Variants in APIP observed in about 807,000 individuals in gnomAD.
APIP encodes methylthioribulose-1-phosphate dehydratase.
In APIP, 32 loss-of-function variants were observed where a neutral mutation model predicts 32.0. The ratio of observed to expected loss-of-function variants is 1.00; its 90% CI spans 0.76 to 1.34. The LOEUF is 1.34. Ranked by LOEUF, APIP falls within the 40% of genes most tolerant of loss-of-function variation. The probability of loss-of-function intolerance (pLI) is 0.00; values close to 1 mark genes in which losing one functional copy is unlikely to be tolerated. For synonymous variants in APIP, 92 were observed against 94.8 expected (o/e 0.97, Z 0.17); for missense variants, 247 against 298.6 (o/e 0.83, Z 1.27).
intron 1 of APIP, among the ~76,000 whole-genome samples, chr11:34,901,672 A>C (rs117845867): frequency 0.024 from 3,619 of 152,270 alleles, 71 homozygotes; most frequent in Non-Finnish European, 0.038. Context: ...CATGGCTGAA[A>C]GTCCTGCTCC....
intron 1 of APIP, among the ~76,000 whole-genome samples, chr11:34,902,674 G>A (rs1223316893): frequency 6.6e-6 from 1 of 152,170 alleles, no homozygotes; most frequent in African/African-American, 2.4e-5. Context: ...AACTCAGGGA[G>A]CTAAAACTCA....
intron 1 of APIP, among the ~76,000 whole-genome samples, chr11:34,895,801 C>T (rs1230556827): frequency 1.3e-5 from 2 of 151,916 alleles, no homozygotes; most frequent in Non-Finnish European, 2.9e-5. Flanking sequence ...ATGATTACTT[C>T]TTTAGAAAAA....
intron 1 of APIP, among the ~76,000 whole-genome samples, chr11:34,899,655 G>A (rs1590709479): frequency 6.6e-6 from 1 of 152,204 alleles, no homozygotes; most frequent in East Asian, 1.9e-4. Context: ...AGAAGTCTAG[G>A]AGGTTGAAGG....
intron 1 of APIP, among the ~76,000 whole-genome samples, chr11:34,912,471 T>C (rs1161900924): frequency 6.6e-6 from 1 of 152,170 alleles, no homozygotes; most frequent in Non-Finnish European, 1.5e-5. Flanking sequence ...TAATACTGAG[T>C]GTCAACTTGA....
intron 1 of APIP, among the ~76,000 whole-genome samples, chr11:34,908,945 A>G (rs530687940): frequency 2.8e-5 from 4 of 143,976 alleles, no homozygotes; most frequent in African/African-American, 1.1e-4. Flanking sequence ...AAACCACCAA[A>G]GAGTTTGAAA....
At chr11:34,884,312 T>C (rs955248487) in intron 5 of APIP, among the ~76,000 whole-genome samples, 15 of 152,214 alleles carry the variant, frequency 9.9e-5, no homozygotes, top group Non-Finnish European at 1.6e-4. Flanking sequence ...CAATTGCTAC[T>C]GTAGGGCAAG....
chr11:34,913,498 A>G (rs1468650136), intron 1 of APIP, among the ~76,000 whole-genome samples: 1 of 151,014 alleles, frequency 6.6e-6, no homozygotes, highest in Non-Finnish European at 1.5e-5. Flanking sequence ...CAGCTCTTAA[A>G]GGTGGCACGC....
rs1378348523 is a variant in APIP, at chr11:34,899,259, TGCA to T, written c.58-4152_58-4150del. Reference sequence around the variant, plus strand: ...ATTTTTTTTTCTTTTATGGTAACACTGCAGCTTCCTTTTGCACCACTAGAAATC... The same window carrying T: ...ATTTTTTTTTCTTTTATGGTAACACTGCTTCCTTTTGCACCACTAGAAATC... On this transcript the variant is annotated intron_variant, in intron 1 of 6. Coordinates refer to ENST00000395787, the MANE Select transcript of APIP (RefSeq NM_015957.4). Among the ~76,000 whole-genome samples the T allele has an allele frequency of 1.8e-3, 277 of 152,350 alleles. 1 individual carries two copies. Among genetic ancestry groups the T allele is most frequent in the African/African-American group, 6.3e-3 (262 of 41,578 alleles).
chr11:34,909,718 C>T (rs1031044913), intron 1 of APIP, among the ~76,000 whole-genome samples: 4 of 152,058 alleles, frequency 2.6e-5, no homozygotes, highest in Non-Finnish European at 5.9e-5. Context: ...TGTGGAAGGG[C>T]TTGAAAGCTG....
In APIP at chr11:34,890,745, A is replaced by G. The variant is rs576554071; in HGVS notation, c.159-193T>C. On this transcript the variant is annotated intron_variant, in intron 2 of 6. Transcript: ENST00000395787. ...GCCTTTGTAGTGCTGGTGGCATTGT[A>G]GAATATTAGTTGTTGCTTTTGTCTT... The G allele has an allele frequency of 6.8e-6, 3 of 439,706 alleles. No homozygotes were observed. In the East Asian group the frequency reaches 1.1e-4, roughly 17 times the overall value. 27.2% of individuals were successfully genotyped at this position (439,706 alleles called of 1,614,324 possible).
At chr11:34,911,176 C>A (rs979637150) in intron 1 of APIP, among the ~76,000 whole-genome samples, 1 of 151,630 alleles carries the variant, frequency 6.6e-6, no homozygotes, top group Non-Finnish European at 1.5e-5. Context: ...AAGGATATGA[C>A]CATGGGAATG....
chr11:34,895,958 A>G (rs1347593611), intron 1 of APIP, among the ~76,000 whole-genome samples: 1 of 152,252 alleles, frequency 6.6e-6, no homozygotes, highest in Non-Finnish European at 1.5e-5. Context: ...AATAAGTACA[A>G]ATGCTGAATA....
chr11:34,899,282 GA>G lies in APIP; in HGVS notation c.58-4173del, dbSNP rs756861080. Among the ~76,000 whole-genome samples, 64 of 152,274 alleles carry G rather than the reference GA, an allele frequency of 4.2e-4. No individual in the cohort carries two copies. The Middle Eastern group carries it at 0.01, about 24-fold the overall frequency. Reference sequence around the variant, plus strand: ...ACTGCAGCTTCCTTTTGCACCACTAGAAATCGGGCTCTAAGCCTCTTCTGTG... The same window carrying G: ...ACTGCAGCTTCCTTTTGCACCACTAGAATCGGGCTCTAAGCCTCTTCTGTG... On this transcript the variant is annotated intron_variant, in intron 1 of 6. Transcript: ENST00000395787.
rs1486380508 is a variant in APIP, at chr11:34,890,487, G to A, written c.207+17C>T. On this transcript the variant is annotated intron_variant, in intron 3 of 6. Transcript: ENST00000395787. ...AAGAAGAAAAGACACTGAGGTTAAA[G>A]AATCCCATTACCATACCTGAATTCG... is the stretch of plus-strand genomic sequence containing the variant. 6.2e-7 allele frequency: 1 copy of A among 1,601,084 alleles called. No individual in the cohort carries two copies. Among genetic ancestry groups the A allele is most frequent in the African/African-American group, 1.3e-5 (1 of 74,364 alleles).
chr11:34,899,367 A>G (rs1285177751), intron 1 of APIP, among the ~76,000 whole-genome samples: 1 of 152,218 alleles, frequency 6.6e-6, no homozygotes, highest in Non-Finnish European at 1.5e-5. Context: ...GCCAAATTTT[A>G]GTCTCAATAT....
chr11:34,893,183 G>A (rs1853208108), intron 2 of APIP, among the ~76,000 whole-genome samples: 1 of 152,080 alleles, frequency 6.6e-6, no homozygotes, highest in Non-Finnish European at 1.5e-5. Context: ...GGTAGTGCAT[G>A]GATTAGTAAA....
chr11:34,898,283 C>T (rs1853312172), intron 1 of APIP, among the ~76,000 whole-genome samples: 2 of 152,120 alleles, frequency 1.3e-5, no homozygotes, highest in African/African-American at 4.8e-5. Flanking sequence ...ATGCTTATCA[C>T]GACTGCCATT....
intron 1 of APIP, among the ~76,000 whole-genome samples, chr11:34,898,768 A>G (rs1853323166): frequency 7.2e-6 from 1 of 139,858 alleles, no homozygotes; most frequent in African/African-American, 2.7e-5. Flanking sequence ...TGGCGAGCAC[A>G]TAGTATTTCT....
chr11:34,899,646 G>A (rs560868647), intron 1 of APIP, among the ~76,000 whole-genome samples: 129 of 152,334 alleles, frequency 8.5e-4, no homozygotes, highest in African/African-American at 2.9e-3. Flanking sequence ...ACAGGTCGCA[G>A]AAGTCTAGGA....
Sources: gnomAD v4.1 joint callset for allele counts (sites outside exome capture counted in the v4.1 genomes callset) on GRCh38, gnomAD v4.1.1 for gene constraint, MANE v1.5 for transcripts, NCBI Gene and HGNC (gene_info 2026-07-23, HGNC 2026-07-21) for gene names.